Variants in KLF12 observed in about 807,000 individuals in gnomAD.
The protein encoded by KLF12 is Krueppel-like factor 12.
KLF12 carries 9 observed loss-of-function variants against 37.8 expected under a neutral mutation model. The observed-to-expected ratio is 0.24, with a 90% CI of 0.14 to 0.42. KLF12 has a LOEUF of 0.42. KLF12 is among the 10% of genes least tolerant of loss of function. The pLI, the probability that KLF12 is intolerant of heterozygous loss-of-function variation, is 1.00. For synonymous variants in KLF12, 208 were observed against 202.1 expected (o/e 1.03, Z -0.25); for missense variants, 411 against 516.0 (o/e 0.80, Z 1.97).
intron 7 of KLF12, among the ~76,000 whole-genome samples, chr13:73,702,034 A>C (rs528701175): frequency 2.0e-4 from 30 of 152,234 alleles, no homozygotes; most frequent in African/African-American, 6.7e-4. Flanking sequence ...ACACAAAAAA[A>C]GGGTGGGGGA....
chr13:74,262,446 C>G, the KLF12 span, among the ~76,000 whole-genome samples: 1 of 152,198 alleles, frequency 6.6e-6, no homozygotes, highest in Non-Finnish European at 1.5e-5. Context: ...CAAGGACCTT[C>G]TCTGGATACC....
intron 1 of KLF12, among the ~76,000 whole-genome samples, chr13:74,014,139 C>CT (rs1892623263): frequency 6.6e-6 from 1 of 152,168 alleles, no homozygotes; most frequent in African/African-American, 2.4e-5. Flanking sequence ...ATTTGGAGTT[C>CT]TTGTCAGCAC....
the KLF12 span, among the ~76,000 whole-genome samples, chr13:74,288,040 T>C: frequency 6.6e-4 from 98 of 149,372 alleles, no homozygotes; most frequent in Non-Finnish European, 9.8e-4. Flanking sequence ...GCAACTGTTC[T>C]GCTTTCAGCA....
chr13:74,084,389 T>C (rs949872576), intron 1 of KLF12, among the ~76,000 whole-genome samples: 3 of 152,196 alleles, frequency 2.0e-5, no homozygotes, highest in African/African-American at 7.2e-5. Context: ...CCCTTGACCA[T>C]TGTTCTCATG....
chr13:73,879,362 T>C (rs1886870833), intron 3 of KLF12, among the ~76,000 whole-genome samples: 2 of 152,196 alleles, frequency 1.3e-5, no homozygotes, highest in Admixed American at 1.3e-4. Flanking sequence ...TTGAACTTTT[T>C]TCTGCTTCTC....
chr13:73,749,762 G>A (rs968151374), intron 6 of KLF12, among the ~76,000 whole-genome samples: 5 of 152,156 alleles, frequency 3.3e-5, no homozygotes, highest in Admixed American at 6.5e-5. Flanking sequence ...ATGGATTGTC[G>A]AAAGAAGAAG....
At chr13:73,889,345 G>A (rs887862896) in intron 3 of KLF12, among the ~76,000 whole-genome samples, 1 of 152,066 alleles carries the variant, frequency 6.6e-6, no homozygotes, top group African/African-American at 2.4e-5. Flanking sequence ...TAGCACTAGG[G>A]TCTAAGTTCA....
chr13:73,706,344 T>A (rs1347522564), intron 7 of KLF12, among the ~76,000 whole-genome samples: 1 of 152,216 alleles, frequency 6.6e-6, no homozygotes, highest in East Asian at 1.9e-4. Flanking sequence ...TTATTTTTAA[T>A]TGATAGGTTT....
chr13:74,223,521 A>G, the KLF12 span, among the ~76,000 whole-genome samples: 2 of 152,298 alleles, frequency 1.3e-5, no homozygotes, highest in South Asian at 2.1e-4. Context: ...ATACTCTGCT[A>G]CATTCAGGGC....
intron 2 of KLF12, among the ~76,000 whole-genome samples, chr13:73,964,635 T>C (rs1416733532): frequency 6.6e-6 from 1 of 150,782 alleles, no homozygotes; most frequent in Non-Finnish European, 1.5e-5. Context: ...TCTAAGGTCA[T>C]TCTAGTTTTA....
At chr13:73,758,120 G>C (rs984277061) in intron 6 of KLF12, among the ~76,000 whole-genome samples, 1 of 151,794 alleles carries the variant, frequency 6.6e-6, no homozygotes, top group Non-Finnish European at 1.5e-5. Flanking sequence ...GGCTGGTCTT[G>C]AACTCCTGGG....
intron 5 of KLF12, among the ~76,000 whole-genome samples, chr13:73,766,251 A>T (rs1482049672): frequency 1.3e-5 from 2 of 152,084 alleles, no homozygotes; most frequent in Admixed American, 1.3e-4. Flanking sequence ...TCATTCAAGC[A>T]CGGCCCACTT....
intron 1 of KLF12, among the ~76,000 whole-genome samples, chr13:73,999,001 C>T (rs2138294361): frequency 1.3e-5 from 2 of 152,288 alleles, no homozygotes; most frequent in Admixed American, 1.3e-4. Context: ...CAAGAAGAGG[C>T]ACTTGGATTT....
intron 4 of KLF12, among the ~76,000 whole-genome samples, chr13:73,838,814 T>C (rs1446808272): frequency 1.3e-5 from 2 of 152,180 alleles, no homozygotes; most frequent in Non-Finnish European, 2.9e-5. Flanking sequence ...GACAGAAATG[T>C]AGCAAAAGGG....
At chr13:73,805,655 A>G (rs1337003287) in intron 5 of KLF12, among the ~76,000 whole-genome samples, 3 of 27,304 alleles carry the variant, frequency 1.1e-4, no homozygotes, top group Admixed American at 4.1e-4. Context: ...GGAGGGAGGA[A>G]GGAAGGAAGG....
At chr13:73,825,069 C>CAA (rs199848643) in intron 4 of KLF12, among the ~76,000 whole-genome samples, 3 of 127,000 alleles carry the variant, frequency 2.4e-5, no homozygotes, top group African/African-American at 8.5e-5. Flanking sequence ...AACTCCGCCT[C>CAA]AAAAAAAAAA....
chr13:73,843,266 T>C (rs1426429508), intron 4 of KLF12, among the ~76,000 whole-genome samples: 1 of 152,144 alleles, frequency 6.6e-6, no homozygotes, highest in East Asian at 1.9e-4. Flanking sequence ...ATTTCAATCA[T>C]TTATTGATAA....
At chr13:74,286,913 A>T in the KLF12 span, among the ~76,000 whole-genome samples, 2 of 152,242 alleles carry the variant, frequency 1.3e-5, no homozygotes, top group African/African-American at 4.8e-5. Context: ...CCTTGGAAAG[A>T]ATAGTCCAGA....
chr13:74,130,261 A>T (rs1346837262), intron 1 of KLF12, among the ~76,000 whole-genome samples: 1 of 152,264 alleles, frequency 6.6e-6, no homozygotes, highest in Non-Finnish European at 1.5e-5. Context: ...TGAGTTTGAA[A>T]GGAAAAATAA....
Sources: allele counts gnomAD v4.1 joint callset (sites outside exome capture counted in the v4.1 genomes callset), GRCh38; gene constraint gnomAD v4.1.1; transcripts MANE v1.5; gene names NCBI Gene and HGNC (gene_info 2026-07-23, HGNC 2026-07-21).